Variants in ASAP1 observed in about 807,000 individuals in gnomAD.
The protein encoded by ASAP1 is ArfGAP with SH3 domain, ankyrin repeat and PH domain 1.
In ASAP1, 43 loss-of-function variants were observed where a neutral mutation model predicts 145.2. The ratio of observed to expected loss-of-function variants is 0.30; its 90% CI spans 0.23 to 0.38. The LOEUF is 0.38. Among genes scored for constraint, ASAP1 ranks in the 10% least tolerant of loss-of-function variants. The pLI, the probability that ASAP1 is intolerant of heterozygous loss-of-function variation, is 1.00. For missense variants in ASAP1, 1,018 were observed against 1,355.3 expected (o/e 0.75, Z 3.91); for synonymous variants, 546 against 515.5 (o/e 1.06, Z -0.80).
At chr8:130,151,740 G>T (rs1457754158) in intron 13 of ASAP1, among the ~76,000 whole-genome samples, 1 of 152,242 alleles carries the variant, frequency 6.6e-6, no homozygotes, top group East Asian at 1.9e-4. Flanking sequence ...TGTATGTCAA[G>T]TTCTGTGTGA....
chr8:130,068,245 T>C (rs1446626906), intron 27 of ASAP1, among the ~76,000 whole-genome samples: 1 of 152,118 alleles, frequency 6.6e-6, no homozygotes, highest in African/African-American at 2.4e-5. Context: ...TAAAAGAGGG[T>C]GCTGGGTCAG....
chr8:130,161,275 G>A (rs924945290), intron 11 of ASAP1, among the ~76,000 whole-genome samples: 4 of 151,984 alleles, frequency 2.6e-5, no homozygotes, highest in African/African-American at 4.8e-5. Context: ...TGATAGTGTC[G>A]AGGTAAGCTG....
chr8:130,137,049 A>G lies in ASAP1; in HGVS notation c.1081-11T>C. On this transcript the variant is annotated splice_polypyrimidine_tract_variant and intron_variant, in intron 13 of 29. Coordinates refer to ENST00000518721, the MANE Select transcript of ASAP1 (RefSeq NM_018482.4). ...TGGTTGCCTGTTAGACTGGAAAAAA[A>G]GAGAAAATGGAGAAGTTACATGCAG... is the stretch of plus-strand genomic sequence containing the variant. The G allele has an allele frequency of 5.0e-6, 8 of 1,612,036 alleles. No individual in the cohort carries two copies. Among genetic ancestry groups the G allele is most frequent in the Non-Finnish European group, 6.8e-6 (8 of 1,178,022 alleles).
intron 8 of ASAP1, among the ~76,000 whole-genome samples, chr8:130,180,015 A>G (rs1311679310): frequency 2.8e-5 from 4 of 141,152 alleles, no homozygotes; most frequent in Non-Finnish European, 1.5e-5. Context: ...AAAGAGAGAG[A>G]GAGAAAGAAA....
At chr8:130,405,853 A>G (rs967437034) in intron 1 of ASAP1, among the ~76,000 whole-genome samples, 2 of 152,248 alleles carry the variant, frequency 1.3e-5, no homozygotes, top group African/African-American at 4.8e-5. Flanking sequence ...CTTTCTAGTC[A>G]AGAAAGTAAT....
At chr8:130,333,436 T>C (rs1316835654) in intron 3 of ASAP1, among the ~76,000 whole-genome samples, 2 of 152,172 alleles carry the variant, frequency 1.3e-5, no homozygotes, top group African/African-American at 4.8e-5. Flanking sequence ...ACCCTGTCTC[T>C]ACTAAAAATA....
chr8:130,135,967 T>C (rs988472429), intron 14 of ASAP1, among the ~76,000 whole-genome samples: 3 of 152,208 alleles, frequency 2.0e-5, no homozygotes, highest in African/African-American at 7.2e-5. Flanking sequence ...TTCACACAAC[T>C]GCATCAGAAA....
intron 13 of ASAP1, among the ~76,000 whole-genome samples, chr8:130,144,820 C>T (rs2097623492): frequency 6.6e-6 from 1 of 152,164 alleles, no homozygotes; most frequent in African/African-American, 2.4e-5. Flanking sequence ...AAACATTTAT[C>T]ACTGTATCTC....
intron 3 of ASAP1, among the ~76,000 whole-genome samples, chr8:130,330,069 T>C (rs1272778836): frequency 6.6e-6 from 1 of 152,180 alleles, no homozygotes; most frequent in African/African-American, 2.4e-5. Context: ...TCATTACAGC[T>C]GGACCCAGCT....
At position 130,404,915 on chromosome 8, in the gene ASAP1, T is replaced by C. The variant is rs1294178506; in HGVS notation, c.-27-2945A>G. On this transcript the variant is annotated intron_variant, in intron 1 of 29. Transcript: ENST00000518721. ...CATAGCCGCTGTCTGTTGCTGCCTT[T>C]TAGTCTGAACTCAGATCAAAGACAT... is the stretch of plus-strand genomic sequence containing the variant. Among the ~76,000 whole-genome samples the C allele has an allele frequency of 3.3e-5, 5 of 152,030 alleles. 1 individual carries two copies. Among genetic ancestry groups the C allele is most frequent in the Admixed American group, 2.6e-4 (4 of 15,246 alleles).
intron 4 of ASAP1, among the ~76,000 whole-genome samples, chr8:130,218,384 G>A (rs939524963): frequency 1.3e-5 from 2 of 152,078 alleles, no homozygotes; most frequent in Admixed American, 6.5e-5. Flanking sequence ...ACATGTATGC[G>A]CCACCCAGCT....
chr8:130,196,924 G>T (rs1460839960), intron 5 of ASAP1, among the ~76,000 whole-genome samples: 1 of 152,168 alleles, frequency 6.6e-6, no homozygotes, highest in Admixed American at 6.5e-5. Context: ...TCCTGAAGTG[G>T]CAGGTCAAAA....
chr8:130,351,899 C>T (rs1277844055), intron 3 of ASAP1, among the ~76,000 whole-genome samples: 1 of 152,226 alleles, frequency 6.6e-6, no homozygotes, highest in Admixed American at 6.5e-5. Context: ...GGCTAACAGG[C>T]TTGTGCCTTG....
intron 24 of ASAP1, 86 bp from the exon 25 acceptor site, chr8:130,092,229 C>A: frequency 7.2e-7 from 1 of 1,386,610 alleles, no homozygotes; most frequent in Non-Finnish European, 9.7e-7. Flanking sequence ...TTCCACACAT[C>A]AGAATGTGGT....
chr8:130,229,610 T>C (rs191686231), intron 4 of ASAP1, among the ~76,000 whole-genome samples: 4 of 152,358 alleles, frequency 2.6e-5, no homozygotes, highest in Admixed American at 1.3e-4. Flanking sequence ...CAATGGACTC[T>C]ACCTGGCACA....
At chr8:130,294,886 A>G (rs1332639918) in intron 3 of ASAP1, among the ~76,000 whole-genome samples, 2 of 152,228 alleles carry the variant, frequency 1.3e-5, no homozygotes, top group Non-Finnish European at 2.9e-5. Flanking sequence ...TTTAAAATTA[A>G]CATGTCTGGA....
intron 3 of ASAP1, among the ~76,000 whole-genome samples, chr8:130,323,742 G>A (rs149720742): frequency 6.6e-6 from 1 of 152,224 alleles, no homozygotes; most frequent in Non-Finnish European, 1.5e-5. Flanking sequence ...TACTATGTAT[G>A]TAAGGCCCAT....
intron 3 of ASAP1, among the ~76,000 whole-genome samples, chr8:130,332,619 T>C (rs1381441718): frequency 2.6e-5 from 4 of 152,224 alleles, no homozygotes; most frequent in East Asian, 1.9e-4. Flanking sequence ...CGTTTTCTTA[T>C]TAGAAACTCT....
chr8:130,071,978 G>T (rs1272710131), intron 27 of ASAP1, among the ~76,000 whole-genome samples: 2 of 152,212 alleles, frequency 1.3e-5, no homozygotes, highest in Non-Finnish European at 1.5e-5. Flanking sequence ...TGTTAGGTGT[G>T]TCAGGCCTCT....
Sources: allele counts gnomAD v4.1 joint callset (sites outside exome capture counted in the v4.1 genomes callset), GRCh38; gene constraint gnomAD v4.1.1; transcripts MANE v1.5; gene names NCBI Gene and HGNC (gene_info 2026-07-23, HGNC 2026-07-21).